DDX41: variants seen among roughly 807,000 people sequenced by gnomAD.
DDX41 encodes DEAD-box helicase 41, also known as probable ATP-dependent RNA helicase DDX41.
A neutral mutation model predicts 78.8 loss-of-function variants in DDX41; 50 were observed. The ratio of observed to expected loss-of-function variants is 0.63; its 90% confidence interval spans 0.51 to 0.80. DDX41 has a LOEUF of 0.80. DDX41 is among the 30% of genes least tolerant of loss of function. The probability of loss-of-function intolerance (pLI) is 0.00; values close to 1 mark genes in which losing one functional copy is unlikely to be tolerated. For missense variants in DDX41, 633 were observed against 849.2 expected (o/e 0.75, Z 3.16); for synonymous variants, 381 against 321.5 (o/e 1.19, Z -1.98).
intron 16 of DDX41, 69 bp from the exon 17 acceptor site, chr5:177,511,996 C>G (rs1429683359): frequency 1.4e-5 from 23 of 1,605,996 alleles, no homozygotes; most frequent in Non-Finnish European, 1.9e-5. Context: ...TCGGGCCCCC[C>G]GTTAGGCACC....
At position 177,513,667 on chromosome 5, in the gene DDX41, G is replaced by C. The variant is rs763768294; in HGVS notation, c.1098+18C>G. On this transcript the variant is annotated intron_variant, in intron 10 of 16. Transcript: ENST00000330503. The surrounding 1 kb of genome is among the most constrained non-coding windows in gnomAD (Gnocchi z 4.6). The stretch of plus-strand genomic sequence containing the variant: ...GTGGGGGGCGGTGCAGGGTGCCCTG[G>C]CCGGGCGGGGGCGGCACCTTGAAGT... 1.2e-6 allele frequency: 2 copies of C among 1,612,752 alleles called. No homozygotes were observed. The highest frequency in any genetic ancestry group is 1.7e-6 in the Non-Finnish European group (2 of 1,179,780).
chr5:177,516,047 G>C, intron 4 of DDX41, 58 bp from the exon 5 acceptor site: 1 of 1,613,986 alleles, frequency 6.2e-7, no homozygotes, highest in South Asian at 1.1e-5. Flanking sequence ...CAGATCCCTT[G>C]AGATATAACA....
Position 177,513,466 on chromosome 5 carries a change from G to T in DDX41, c.1117C>A (p.Leu373Ile), listed in dbSNP as rs200003905. 6.2e-7 allele frequency: 1 copy of T among 1,614,186 alleles called. No homozygotes were observed. Among genetic ancestry groups the T allele is most frequent in the Non-Finnish European group, 8.5e-7 (1 of 1,180,034 alleles). ...TTCTTCGGCATGGTGGCACTGAAGA[G>T]CAGGGTCTGTCGCTGGCCCTGAGGA... Reference protein sequence around the residue: ...SYFKGQRQTLLFSATMPKKIQ... With the variant: ...SYFKGQRQTLIFSATMPKKIQ... Residue 373 changes from leucine to isoleucine, a missense_variant, in exon 11 of 17, where the codon CTC becomes ATC. Around this residue, in one of 6 missense-constraint regions of DDX41, gnomAD observed 185 missense variants for 367.4 expected, o/e 0.50. Transcript: ENST00000330503. This position sits in a 1 kb window ranked among gnomAD's most constrained non-coding sequence, Gnocchi z 4.6.
At position 177,514,196 on chromosome 5, in the gene DDX41, C is replaced by G; in HGVS notation, c.936-349G>C. 1 of 509,158 alleles carries G rather than the reference C, an allele frequency of 2.0e-6. No homozygotes were observed. The allele number at this position is 509,158 out of a possible 1,614,324, so 31.5% of individuals were successfully genotyped here. A position where few individuals can be genotyped will look rare whatever the true frequency, so the allele number is the denominator to read the frequency against. Reference sequence around the variant, plus strand: ...ACCATCTCCCTAATACTCAGAAGTCCGTGGAGGAAGGCCTCCGGGATGGGG... The same window carrying G: ...ACCATCTCCCTAATACTCAGAAGTCGGTGGAGGAAGGCCTCCGGGATGGGG... On this transcript the variant is annotated intron_variant, in intron 9 of 16. Coordinates refer to ENST00000330503, the MANE Select transcript of DDX41 (RefSeq NM_016222.4). The surrounding 1 kb of genome is among the most constrained non-coding windows in gnomAD (Gnocchi z 4.2).
chr5:177,515,105 C>T, intron 7 of DDX41, 36 bp from the exon 8 acceptor site: 2 of 1,611,846 alleles, frequency 1.2e-6, no homozygotes, highest in Non-Finnish European at 1.7e-6. Context: ...CCAATTTCAA[C>T]AGAAGATGAA....
rs769417886 is a variant in DDX41, at chr5:177,513,471, G to C, written c.1112C>G (p.Thr371Ser). 1.2e-6 allele frequency: 2 copies of C among 1,614,170 alleles called. No individual in the cohort carries two copies. Among genetic ancestry groups the C allele is most frequent in the Non-Finnish European group, 8.5e-7 (1 of 1,180,042 alleles). The stretch of plus-strand genomic sequence containing the variant: ...CGGCATGGTGGCACTGAAGAGCAGG[G>C]TCTGTCGCTGGCCCTGAGGAAGAGG... ...IFSYFKGQRQTLLFSATMPKK... is the reference protein window; with the variant it reads ...IFSYFKGQRQSLLFSATMPKK... Residue 371 changes from threonine to serine, a missense_variant, in exon 11 of 17, where the codon ACC (threonine) becomes AGC (serine). By Grantham distance (58) the Thr-to-Ser change is moderately conservative. Around this residue, in one of 6 missense-constraint regions of DDX41, gnomAD observed 185 missense variants for 367.4 expected, o/e 0.50. Transcript: ENST00000330503. The surrounding 1 kb of genome is among the most constrained non-coding windows in gnomAD (Gnocchi z 4.6).
chr5:177,515,440 G>A (rs1761182263), intron 6 of DDX41, 182 bp from the exon 7 acceptor site: 1 of 872,186 alleles, frequency 1.1e-6, no homozygotes, highest in Non-Finnish European at 1.8e-6. Flanking sequence ...CAGGCTAGGT[G>A]CAGCCAGGAT....
intron 5 of DDX41, 53 bp from the exon 6 acceptor site, chr5:177,515,874 G>A: frequency 1.2e-6 from 2 of 1,614,132 alleles, no homozygotes; most frequent in Non-Finnish European, 1.7e-6. Flanking sequence ...TGGCCTGGGA[G>A]CATCCCTGCA....
Position 177,513,837 on chromosome 5 carries a change from T to C in DDX41, c.946A>G (p.Met316Val), listed in dbSNP as rs780003390. The change falls in exon 10 of 17, where the codon ATG becomes GTG. Residue 316 changes from methionine to valine, a missense_variant. Met to Val is a conservative substitution (Grantham distance 21). Around this residue, in one of 6 missense-constraint regions of DDX41, gnomAD observed 151 missense variants for 169.2 expected, o/e 0.89. Coordinates refer to ENST00000330503, the MANE Select transcript of DDX41 (RefSeq NM_016222.4). The surrounding 1 kb of genome is among the most constrained non-coding windows in gnomAD (Gnocchi z 4.6). ...QMETIRHGVH[M>V]MVATPGRLMD... ...AGGCGCCCCGGGGTGGCCACCATCA[T>C]GTGTACACCGCTGGGGACCAAGGAG... 1.9e-6 allele frequency: 3 copies of C among 1,613,438 alleles called. No homozygotes were observed. The highest frequency in any genetic ancestry group is 8.5e-7 in the Non-Finnish European group (1 of 1,179,828).
chr5:177,515,944 T>TC lies in DDX41; in HGVS notation c.418dup (p.Asp140GlyfsTer18). ...ACAGACATACCTGGTTTTGATGGGG[T>TC]CATCATACGTAATGCCCTTAGCCAT... is the stretch of plus-strand genomic sequence containing the variant. On this transcript the variant is annotated frameshift_variant, in exon 5 of 17. Coordinates refer to ENST00000330503, the MANE Select transcript of DDX41 (RefSeq NM_016222.4). LOFTEE classifies it high-confidence loss of function. 1 of 1,614,010 alleles carries TC rather than the reference T, an allele frequency of 6.2e-7. No individual in the cohort carries two copies. The highest frequency in any genetic ancestry group is 8.5e-7 in the Non-Finnish European group (1 of 1,179,982).
Position 177,516,855 on chromosome 5 carries a change from A to G in DDX41, c.28-20T>C, listed in dbSNP as rs767391568. 4 of 1,613,086 alleles carry G rather than the reference A, an allele frequency of 2.5e-6. No individual in the cohort carries two copies. In the East Asian group the frequency reaches 6.7e-5, roughly 27 times the overall value. ...AGCCCGCTGCAAGCACACGCCAGTC[A>G]GGCACGGCCTGCTCCCCTCTTCACG... On this transcript the variant is annotated intron_variant, in intron 1 of 16. Coordinates refer to ENST00000330503, the MANE Select transcript of DDX41 (RefSeq NM_016222.4).
chr5:177,513,622 G>A lies in DDX41; in HGVS notation c.1098+63C>T, dbSNP rs1761084464. On this transcript the variant is annotated intron_variant, in intron 10 of 16. Transcript: ENST00000330503. This position sits in a 1 kb window ranked among gnomAD's most constrained non-coding sequence, Gnocchi z 4.6. ...GGGTGGCCAGGGGCATGGGGTCCCT[G>A]CAGTCTGATGTGGCGTGCAGTGGGG... 2.5e-6 allele frequency: 4 copies of A among 1,606,522 alleles called. No individual in the cohort carries two copies. The highest frequency in any genetic ancestry group is 2.7e-5 in the African/African-American group (2 of 74,806).
In DDX41 at chr5:177,513,874, T is replaced by C. The variant is rs546179208; in HGVS notation, c.936-27A>G. The C allele has an allele frequency of 2.5e-6, 4 of 1,611,062 alleles. No homozygotes were observed. The highest frequency in any genetic ancestry group is 2.7e-5 in the African/African-American group (2 of 74,966). ...TGGGGACCAAGGAGAGACCCTGAGG[T>C]TGGGGCCACTGGCCTATCACCTATC... is the stretch of plus-strand genomic sequence containing the variant. On this transcript the variant is annotated intron_variant, in intron 9 of 16. Transcript: ENST00000330503. The surrounding 1 kb of genome is among the most constrained non-coding windows in gnomAD (Gnocchi z 4.6).
At position 177,511,854 on chromosome 5, in the gene DDX41, C is replaced by T. The variant is rs1319943708; in HGVS notation, c.1806G>A (p.Gln602=). Residue 602 remains glutamine, a synonymous_variant, in exon 17 of 17, where the codon CAG becomes CAA. Coordinates refer to ENST00000330503, the MANE Select transcript of DDX41 (RefSeq NM_016222.4). ...GACCGATGTTGCTGACCTGCTTGGT[C>T]TGCATAGCCTCGAGTTTGGGGCAGT... is the stretch of plus-strand genomic sequence containing the variant. ...ITDCPKLEAM[Q]TKQVSNIGRK... 1 of 1,614,174 alleles carries T rather than the reference C, an allele frequency of 6.2e-7. No individual in the cohort carries two copies. Among genetic ancestry groups the T allele is most frequent in the Non-Finnish European group, 8.5e-7 (1 of 1,180,034 alleles).
chr5:177,512,332 G>A lies in DDX41; in HGVS notation c.1611C>T (p.Asn537=). The A allele has an allele frequency of 2.5e-6, 4 of 1,614,052 alleles. No homozygotes were observed. The highest frequency in any genetic ancestry group is 3.4e-6 in the Non-Finnish European group (4 of 1,179,974). Residue 537 remains asparagine (N), a synonymous_variant, in exon 15 of 17, where the codon AAC becomes AAT. Coordinates refer to ENST00000330503, the MANE Select transcript of DDX41 (RefSeq NM_016222.4). The part of the protein sequence containing the change: ...GNTGIATTFI[N]KACDESVLMD... The stretch of plus-strand genomic sequence containing the variant: ...TGGTAACAGACTCACCACACGCTTT[G>A]TTGATGAAGGTAGTGGCGATGCCTG...
At chr5:177,516,570 C>G (rs1761244306) in intron 2 of DDX41, 123 bp from the exon 3 acceptor site, 6 of 1,417,656 alleles carry the variant, frequency 4.2e-6, no homozygotes, top group South Asian at 1.2e-5. Context: ...CCCCTCAGAT[C>G]AAGCCGTCGG....
Position 177,513,691 on chromosome 5 carries a change from G to A in DDX41, c.1092C>T (p.Tyr364=). 2 of 1,613,424 alleles carry A rather than the reference G, an allele frequency of 1.2e-6. No homozygotes were observed. The highest frequency in any genetic ancestry group is 1.7e-6 in the Non-Finnish European group (2 of 1,180,006). Residue 364 remains tyrosine, a synonymous_variant, in exon 10 of 17, where the codon TAC becomes TAT. Coordinates refer to ENST00000330503, the MANE Select transcript of DDX41 (RefSeq NM_016222.4). The surrounding 1 kb of genome is among the most constrained non-coding windows in gnomAD (Gnocchi z 4.6). The part of the protein sequence containing the change: ...FEGDIRTIFS[Y]FKGQRQTLLF... ...GGCCGGGCGGGGGCGGCACCTTGAAGTAGGAGAAGATGGTACGGATGTCAC... is the reference window on the plus strand; with the variant it reads ...GGCCGGGCGGGGGCGGCACCTTGAAATAGGAGAAGATGGTACGGATGTCAC...
rs759066983 is a variant in DDX41, at chr5:177,513,495, G to T, written c.1099-11C>A. The T allele has an allele frequency of 1.9e-6, 3 of 1,614,092 alleles. No homozygotes were observed. The highest frequency in any genetic ancestry group is 1.7e-5 in the Admixed American group (1 of 60,022). On this transcript the variant is annotated splice_polypyrimidine_tract_variant and intron_variant, in intron 10 of 16. Transcript: ENST00000330503. This position sits in a 1 kb window ranked among gnomAD's most constrained non-coding sequence, Gnocchi z 4.6. ...GGTCTGTCGCTGGCCCTGAGGAAGA[G>T]GGGGGCTGCGACCAAGGGCACACAG...
rs1345472217 is a variant in DDX41, at chr5:177,514,504, C to G, written c.935+197G>C. Among the ~76,000 whole-genome samples the G allele has an allele frequency of 2.0e-5, 3 of 152,216 alleles. No individual in the cohort carries two copies. Among genetic ancestry groups the G allele is most frequent in the Admixed American group, 1.3e-4 (2 of 15,284 alleles). On this transcript the variant is annotated intron_variant, in intron 9 of 16. Coordinates refer to ENST00000330503, the MANE Select transcript of DDX41 (RefSeq NM_016222.4). This position sits in a 1 kb window ranked among gnomAD's most constrained non-coding sequence, Gnocchi z 4.2. Reference sequence around the variant, plus strand: ...CCAGCAAGGTGGGCCATTCCATCTGCCGTGCTCCCACAGTACCTGGCCACA... The same window carrying G: ...CCAGCAAGGTGGGCCATTCCATCTGGCGTGCTCCCACAGTACCTGGCCACA...
Sources: allele counts gnomAD v4.1 joint callset (sites outside exome capture counted in the v4.1 genomes callset), GRCh38; gene constraint gnomAD v4.1.1; regional missense constraint gnomAD v4.1.1; non-coding constraint Gnocchi (gnomAD v3.1); transcripts MANE v1.5; gene names NCBI Gene and HGNC (gene_info 2026-07-23, HGNC 2026-07-21).